ATXN2L: variants seen among roughly 807,000 people sequenced by gnomAD.
ATXN2L encodes the protein ataxin-2-like protein.
In ATXN2L, 24 loss-of-function variants were observed where a neutral mutation model predicts 120.7. The ratio of observed to expected loss-of-function variants is 0.20; its 90% CI spans 0.14 to 0.28. The LOEUF is 0.28. Ranked by LOEUF, ATXN2L falls within the 10% of genes least tolerant of loss-of-function variation. The probability of loss-of-function intolerance (pLI) is 1.00; values close to 1 mark genes in which losing one functional copy is unlikely to be tolerated. For missense variants in ATXN2L, 1,312 were observed against 1,432.3 expected (o/e 0.92, Z 1.36); for synonymous variants, 653 against 568.1 (o/e 1.15, Z -2.13).
chr16:28,836,269 G>T lies in ATXN2L; in HGVS notation c.*4G>T. ...ACGGGTTCTGGGTGGGGAGTGAGGG[G>T]TCTTGGAGGCAGGGCTGTCCCACAG... On this transcript the variant is annotated 3_prime_UTR_variant, in exon 22 of 22. Coordinates refer to ENST00000336783, the MANE Select transcript of ATXN2L (RefSeq NM_007245.4). The T allele has an allele frequency of 6.2e-7, 1 of 1,611,078 alleles. No homozygotes were observed. Among genetic ancestry groups the T allele is most frequent in the Non-Finnish European group, 8.5e-7 (1 of 1,178,212 alleles).
intron 1 of ATXN2L, chr16:28,824,398 G>C (rs1317390280): frequency 1.7e-5 from 22 of 1,273,086 alleles, no homozygotes; most frequent in Non-Finnish European, 2.1e-5. Context: ...GTGCGCAGGC[G>C]CAGACCGGGC....
rs1234747367 is a variant in ATXN2L at position 28,829,869 on chromosome 16, A to G, written c.845A>G (p.Glu282Gly). Reference sequence around the variant, plus strand: ...GGGTGCTGTCTCAGGGTGCCCTTAGAAAAGGACAACTCAGAAGAGTTTCGT... The same window carrying G: ...GGGTGCTGTCTCAGGGTGCCCTTAGGAAAGGACAACTCAGAAGAGTTTCGT... ...SSLSSYTVPL[E>G]KDNSEEFRQR... The change falls in exon 8 of 22, where the codon GAA (glutamate) becomes GGA (glycine). Residue 282 changes from glutamate (E) to glycine (G), a missense_variant. Glu to Gly is a moderately conservative substitution (Grantham distance 98, BLOSUM62 -2). Coordinates refer to ENST00000336783, the MANE Select transcript of ATXN2L (RefSeq NM_007245.4). 1.2e-6 allele frequency: 2 copies of G among 1,614,184 alleles called. No homozygotes were observed. The highest frequency in any genetic ancestry group is 1.7e-5 in the Admixed American group (1 of 60,014).
chr16:28,830,539 T>C (rs1405342107), intron 8 of ATXN2L, 76 bp from the exon 9 acceptor site: 18 of 1,409,820 alleles, frequency 1.3e-5, no homozygotes, highest in East Asian at 2.4e-5. Context: ...GGGGAGACTT[T>C]AGAAGAAGAA....
intron 6 of ATXN2L, among the ~76,000 whole-genome samples, chr16:28,828,974 T>C (rs2053333403): frequency 1.3e-5 from 2 of 152,104 alleles, no homozygotes; most frequent in East Asian, 3.9e-4. Context: ...TGACCTCAGG[T>C]GATCCACCCA....
At chr16:28,824,903 G>T (rs1254559015) in intron 1 of ATXN2L, among the ~76,000 whole-genome samples, 1 of 152,040 alleles carries the variant, frequency 6.6e-6, no homozygotes, top group Non-Finnish European at 1.5e-5. Context: ...TCTACAAGGT[G>T]ACAGTTTGAA....
chr16:28,823,308 C>G lies in ATXN2L; in HGVS notation c.49C>G (p.Pro17Ala). ...ACAGCCCTCCCAGCCCCAGCAGCCGCCCCCCACGCAACAGGCCGTGGCCCG... is the reference window on the plus strand; with the variant it reads ...ACAGCCCTCCCAGCCCCAGCAGCCGGCCCCCACGCAACAGGCCGTGGCCCG... ...LQQPSQPQQP[P>A]PTQQAVARRP... is the part of the protein sequence containing the mutation. Residue 17 changes from proline to alanine, a missense_variant, in exon 1 of 22, where the codon CCC becomes GCC. Coordinates refer to ENST00000336783, the MANE Select transcript of ATXN2L (RefSeq NM_007245.4). The G allele has an allele frequency of 6.7e-7, 1 of 1,491,084 alleles. No homozygotes were observed. Among genetic ancestry groups the G allele is most frequent in the East Asian group, 2.7e-5 (1 of 36,478 alleles). The allele number at this position is 1,491,084 out of a possible 1,614,324, so 92.4% of individuals were successfully genotyped here.
In ATXN2L at chr16:28,832,486, A is replaced by G; in HGVS notation, c.1517-10A>G. On this transcript the variant is annotated splice_polypyrimidine_tract_variant and intron_variant, in intron 11 of 21. Transcript: ENST00000336783. ...GAAGGACCTTTAGGCATTTCTCTTT[A>G]CTTGAACAGTAAAAGAACTCTCTAC... The G allele has an allele frequency of 6.2e-7, 1 of 1,613,858 alleles. No individual in the cohort carries two copies. Among genetic ancestry groups the G allele is most frequent in the South Asian group, 1.1e-5 (1 of 91,082 alleles).
intron 2 of ATXN2L, 36 bp downstream of exon 2, chr16:28,825,438 G>A (rs75768175): frequency 6.2e-7 from 1 of 1,607,300 alleles, no homozygotes; most frequent in Non-Finnish European, 8.5e-7. Context: ...AAGATACATA[G>A]ACCTAAAAGA....
At position 28,833,302 on chromosome 16, in the gene ATXN2L, C is replaced by T. The variant is rs2152084373; in HGVS notation, c.1903C>T (p.Pro635Ser). ...PPPCPSQTGS[P>S]PVGLIKGEDK... ...ACCTTGTCCAAGCCAAACTGGCAGC[C>T]CCCCGGTGGGCCTCATCAAGGGAGA... The change falls in exon 14 of 22, where the codon CCC becomes TCC. Residue 635 changes from proline to serine, a missense_variant. Coordinates refer to ENST00000336783, the MANE Select transcript of ATXN2L (RefSeq NM_007245.4). 2 of 1,614,116 alleles carry T rather than the reference C, an allele frequency of 1.2e-6. No homozygotes were observed. The highest frequency in any genetic ancestry group is 2.2e-5 in the South Asian group (2 of 91,088).
chr16:28,832,197 T>A lies in ATXN2L; in HGVS notation c.1322-8T>A. ...GTAACCATCCTACAGCTCCCCCTTT[T>A]CTTCCAGTGGGCCGGATGTATCCCC... is the stretch of plus-strand genomic sequence containing the variant. On this transcript the variant is annotated splice_region_variant and splice_polypyrimidine_tract_variant and intron_variant, in intron 10 of 21. Transcript: ENST00000336783. 3 of 1,614,018 alleles carry A rather than the reference T, an allele frequency of 1.9e-6. No individual in the cohort carries two copies. The highest frequency in any genetic ancestry group is 2.5e-6 in the Non-Finnish European group (3 of 1,179,938).
In ATXN2L at chr16:28,836,269, G is replaced by A; in HGVS notation, c.*4G>A. On this transcript the variant is annotated 3_prime_UTR_variant, in exon 22 of 22. Transcript: ENST00000336783. ...ACGGGTTCTGGGTGGGGAGTGAGGG[G>A]TCTTGGAGGCAGGGCTGTCCCACAG... 3 of 1,611,078 alleles carry A rather than the reference G, an allele frequency of 1.9e-6. No homozygotes were observed. The highest frequency in any genetic ancestry group is 2.5e-6 in the Non-Finnish European group (3 of 1,178,212).
Position 28,830,171 on chromosome 16 carries a change from A to G in ATXN2L, c.1034+113A>G, listed in dbSNP as rs1374736117. The G allele has an allele frequency of 4.5e-6, 5 of 1,117,868 alleles. No homozygotes were observed. The African/African-American group carries it at 6.3e-5, about 14-fold the overall frequency. 69.2% of individuals were successfully genotyped at this position (1,117,868 alleles called of 1,614,324 possible). ...GCCTTGTGACCATGTAAAATGTCAT[A>G]CACAGGTTTAGGAGGTTGAGGTAAA... On this transcript the variant is annotated intron_variant, in intron 8 of 21. Coordinates refer to ENST00000336783, the MANE Select transcript of ATXN2L (RefSeq NM_007245.4).
At chr16:28,825,714 G>GA (rs761079239) in intron 3 of ATXN2L, 34 bp downstream of exon 3, 1 of 1,613,490 alleles carries the variant, frequency 6.2e-7, no homozygotes, top group Non-Finnish European at 8.5e-7. Context: ...GTTGTTTAAG[G>GA]AACGTAATGC....
rs553250329 is a variant in ATXN2L, at chr16:28,833,472, T to G, written c.1989T>G (p.Ala663=). 26 of 1,614,184 alleles carry G rather than the reference T, an allele frequency of 1.6e-5. No individual in the cohort carries two copies. The African/African-American group carries it at 2.7e-4, about 17-fold the overall frequency. ...AGAAATCAACGTTGAACCCTAATGC[T>G]AAGGAGTTCAATCCTACAAAGCCTC... ...QVKKSTLNPN[A]KEFNPTKPLL... The change falls in exon 15 of 22, where the codon GCT becomes GCG. Residue 663 remains alanine, a synonymous_variant. Coordinates refer to ENST00000336783, the MANE Select transcript of ATXN2L (RefSeq NM_007245.4).
At chr16:28,829,753 AC>A in intron 7 of ATXN2L, 104 bp from the exon 8 acceptor site, 1 of 1,237,000 alleles carries the variant, frequency 8.1e-7, no homozygotes, top group South Asian at 1.3e-5. Flanking sequence ...GGGATTAAAT[AC>A]TTCCATGCCT....
rs768539165 is a variant in ATXN2L at position 28,830,721 on chromosome 16, C to T, written c.1141C>T (p.Pro381Ser). 4.3e-6 allele frequency: 7 copies of T among 1,613,596 alleles called. No individual in the cohort carries two copies. In the Admixed American group the frequency reaches 8.4e-5, roughly 19 times the overall value. The stretch of plus-strand genomic sequence containing the variant: ...TCGGCCTGGCCTTAGCTCTTTGCCA[C>T]CTCGTGGCCCTCACCATCTGGACAA... The part of the protein sequence containing the change: ...GGRPGLSSLP[P>S]RGPHHLDNSS... The change falls in exon 9 of 22, where the codon CCT becomes TCT. Residue 381 changes from proline to serine, a missense_variant. Coordinates refer to ENST00000336783, the MANE Select transcript of ATXN2L (RefSeq NM_007245.4).
chr16:28,834,981 T>C (rs1360588316), intron 18 of ATXN2L, 77 bp from the exon 19 acceptor site: 23 of 1,546,190 alleles, frequency 1.5e-5, no homozygotes, highest in Non-Finnish European at 1.9e-5. Context: ...CAAGCGGTGC[T>C]GTGCACGCAG....
Position 28,834,370 on chromosome 16 carries a change from T to G in ATXN2L, c.2200T>G (p.Ser734Ala), listed in dbSNP as rs2055721676. The change falls in exon 17 of 22, where the codon TCC becomes GCC. Residue 734 changes from serine to alanine, a missense_variant. Physicochemically the swap from Ser to Ala is moderately conservative, Grantham distance 99. Coordinates refer to ENST00000336783, the MANE Select transcript of ATXN2L (RefSeq NM_007245.4). ...ACCTCAGATGTATCCATATCCTGTATCCAATTCAGTGCCTGGGCAGCAGGG... is the reference window on the plus strand; with the variant it reads ...ACCTCAGATGTATCCATATCCTGTAGCCAATTCAGTGCCTGGGCAGCAGGG... ...QAPQMYPYPV[S>A]NSVPGQQGKY... 6.2e-7 allele frequency: 1 copy of G among 1,613,950 alleles called. No individual in the cohort carries two copies. The highest frequency in any genetic ancestry group is 1.7e-5 in the Admixed American group (1 of 60,002).
Position 28,831,069 on chromosome 16 carries a change from G to T in ATXN2L, c.1318G>T (p.Ala440Ser), listed in dbSNP as rs748339852. 6.3e-7 allele frequency: 1 copy of T among 1,593,310 alleles called. No individual in the cohort carries two copies. Among genetic ancestry groups the T allele is most frequent in the Non-Finnish European group, 8.6e-7 (1 of 1,166,972 alleles). The part of the protein sequence containing the change: ...SGETSVPPPP[A>S]VGRMYPPRSP... Reference sequence around the variant, plus strand: ...AGAAACTTCTGTTCCACCTCCTCCTGCAGGTAAAGCTTTAGTAGTGTTGGA... The same window carrying T: ...AGAAACTTCTGTTCCACCTCCTCCTTCAGGTAAAGCTTTAGTAGTGTTGGA... The change falls in exon 10 of 22, where the codon GCA (alanine) becomes TCA (serine). Residue 440 changes from alanine to serine, a missense_variant. Transcript: ENST00000336783.
Sources: allele counts gnomAD v4.1 joint callset (sites outside exome capture counted in the v4.1 genomes callset), GRCh38; gene constraint gnomAD v4.1.1; transcripts MANE v1.5; gene names NCBI Gene and HGNC (gene_info 2026-07-23, HGNC 2026-07-21).